SMG6: variants seen among roughly 807,000 people sequenced by gnomAD.
The protein encoded by SMG6 is SMG6 nonsense mediated mRNA decay factor.
Under a neutral mutation model 142.2 loss-of-function variants are expected in SMG6, and 66 were observed. That is an observed-to-expected ratio of 0.46 (90% CI 0.38 to 0.57). The LOEUF is 0.57. Among genes scored for constraint, SMG6 ranks in the 20% least tolerant of loss-of-function variants. The pLI, the probability that SMG6 is intolerant of heterozygous loss-of-function variation, is 0.00. For synonymous variants in SMG6, 779 were observed against 702.4 expected (o/e 1.11, Z -1.72); for missense variants, 1,793 against 1,832.0 (o/e 0.98, Z 0.39).
intron 13 of SMG6, among the ~76,000 whole-genome samples, chr17:2,152,393 T>G (rs2070853549): frequency 6.6e-6 from 1 of 152,214 alleles, no homozygotes; most frequent in South Asian, 2.1e-4. Flanking sequence ...CAGTCAAAAC[T>G]TAGTCTCTAA....
intron 6 of SMG6, among the ~76,000 whole-genome samples, chr17:2,285,887 T>G (rs1007686318): frequency 6.6e-6 from 1 of 152,066 alleles, no homozygotes; most frequent in Non-Finnish European, 1.5e-5. Context: ...TTAGCCAGGC[T>G]GGTCTGGAAC....
At chr17:2,137,999 G>A (rs566817415) in intron 13 of SMG6, among the ~76,000 whole-genome samples, 7 of 152,136 alleles carry the variant, frequency 4.6e-5, no homozygotes, top group East Asian at 1.9e-4. Context: ...GTAGTATCAC[G>A]GAGCTCACAA....
intron 13 of SMG6, among the ~76,000 whole-genome samples, chr17:2,095,388 T>TA (rs1425324528): frequency 6.6e-6 from 1 of 152,196 alleles, no homozygotes; most frequent in Non-Finnish European, 1.5e-5. Flanking sequence ...AATTTGCTCC[T>TA]AATTGTATTT....
At position 2,201,974 on chromosome 17, in the gene SMG6, A is replaced by G. The variant is rs564605375; in HGVS notation, c.2870-13459T>C. On this transcript the variant is annotated intron_variant, in intron 10 of 18. Transcript: ENST00000263073. ...AGAAGGTGGAGGTTGTAGTGAGCTG[A>G]GATCATGCCGCTGCACTCCAGCTGG... is the stretch of plus-strand genomic sequence containing the variant. 5.3e-5 allele frequency among the ~76,000 whole-genome samples: 8 copies of G among 152,228 alleles called. No homozygotes were observed. In the East Asian group the frequency reaches 1.5e-3, roughly 29 times the overall value.
chr17:2,202,810 C>G (rs1014831243), intron 10 of SMG6, among the ~76,000 whole-genome samples: 2 of 152,184 alleles, frequency 1.3e-5, no homozygotes, highest in South Asian at 2.1e-4. Flanking sequence ...AGTAAACTTT[C>G]GTCATCAAGG....
chr17:2,297,058 C>G (rs1248824010), intron 4 of SMG6, among the ~76,000 whole-genome samples, 185 bp downstream of exon 4: 2 of 150,814 alleles, frequency 1.3e-5, no homozygotes, highest in Admixed American at 6.6e-5. Context: ...CTGGGGAGCA[C>G]TGCTATATAC....
At chr17:2,292,730 G>A in intron 5 of SMG6, 100 bp from the exon 6 acceptor site, 1 of 1,492,486 alleles carries the variant, frequency 6.7e-7, no homozygotes, top group Non-Finnish European at 9.3e-7. Context: ...TAGAGTGTTA[G>A]ATGTAACCCT....
intron 13 of SMG6, among the ~76,000 whole-genome samples, chr17:2,133,071 C>A (rs2070176818): frequency 6.6e-6 from 1 of 152,032 alleles, no homozygotes; most frequent in African/African-American, 2.4e-5. Context: ...ATGGTGAAAC[C>A]CTGTCTCTAC....
In SMG6 at chr17:2,078,538, GT is replaced by G. The variant is rs201765136; in HGVS notation, c.3681+3271del. Among the ~76,000 whole-genome samples the G allele has an allele frequency of 4.2e-3, 638 of 151,778 alleles. 5 individuals are homozygous for G. Among genetic ancestry groups the G allele is most frequent in the African/African-American group, 0.013 (535 of 41,350 alleles). ...AGGCACCCGCCACAACACTCAGCTAGTTTTTGTATTTTTAGTAGAGATGAGG... is the reference window on the plus strand; with the variant it reads ...AGGCACCCGCCACAACACTCAGCTAGTTTTGTATTTTTAGTAGAGATGAGG... On this transcript the variant is annotated intron_variant, in intron 15 of 18. Transcript: ENST00000263073.
At chr17:2,293,359 G>T (rs62066964) in intron 4 of SMG6, among the ~76,000 whole-genome samples, 3,623 of 152,250 alleles carry the variant, frequency 0.024, 58 homozygotes, top group East Asian at 0.075. Flanking sequence ...TCACCTGAAT[G>T]TAAAAGTAAC....
chr17:2,177,466 G>A (rs2071684269), intron 12 of SMG6, among the ~76,000 whole-genome samples: 1 of 152,160 alleles, frequency 6.6e-6, no homozygotes, highest in Non-Finnish European at 1.5e-5. Context: ...AGTCTAAGGA[G>A]GATGAGGCAC....
At chr17:2,298,801 T>A (rs987367026) in intron 2 of SMG6, 105 bp downstream of exon 2, 26 of 995,482 alleles carry the variant, frequency 2.6e-5, no homozygotes, top group South Asian at 8.2e-5. Flanking sequence ...AAGGAAATAA[T>A]ACCCAGTGGC....
At chr17:2,281,394 G>A (rs2074782594) in intron 8 of SMG6, among the ~76,000 whole-genome samples, 1 of 152,128 alleles carries the variant, frequency 6.6e-6, no homozygotes. Flanking sequence ...CTCCCAAAGT[G>A]CTGGGATTAC....
chr17:2,242,937 T>C (rs2073846031), intron 9 of SMG6, among the ~76,000 whole-genome samples: 2 of 152,172 alleles, frequency 1.3e-5, no homozygotes. Flanking sequence ...AATCCATCCG[T>C]CTTTTTATAA....
chr17:2,303,337 G>T, intron 1 of SMG6: 1 of 1,172,638 alleles, frequency 8.5e-7, no homozygotes, highest in South Asian at 4.0e-5. Flanking sequence ...CTGGGAATCC[G>T]GGGCGGGTCT....
At chr17:2,252,474 G>A (rs1055743170) in intron 8 of SMG6, among the ~76,000 whole-genome samples, 4 of 152,172 alleles carry the variant, frequency 2.6e-5, no homozygotes, top group African/African-American at 7.2e-5. Context: ...TGTGTTTACT[G>A]GGGGAAGGAA....
At chr17:2,228,383 C>T (rs950475171) in intron 10 of SMG6, among the ~76,000 whole-genome samples, 2 of 152,162 alleles carry the variant, frequency 1.3e-5, no homozygotes, top group Non-Finnish European at 2.9e-5. Flanking sequence ...CGCCTGCCAC[C>T]GTGCAGGGCT....
At chr17:2,240,438 A>T (rs1029358792) in intron 9 of SMG6, among the ~76,000 whole-genome samples, 5 of 151,890 alleles carry the variant, frequency 3.3e-5, no homozygotes, top group Non-Finnish European at 7.4e-5. Flanking sequence ...CAGGAGCAAA[A>T]GACCAAAACC....
intron 15 of SMG6, among the ~76,000 whole-genome samples, chr17:2,076,704 G>A (rs1437654252): frequency 2.0e-5 from 3 of 152,236 alleles, no homozygotes; most frequent in Non-Finnish European, 4.4e-5. Flanking sequence ...GCGGGGTGGG[G>A]AAGGGAAGGG....
Sources: allele counts gnomAD v4.1 joint callset (sites outside exome capture counted in the v4.1 genomes callset), GRCh38; gene constraint gnomAD v4.1.1; transcripts MANE v1.5; gene names NCBI Gene and HGNC (gene_info 2026-07-23, HGNC 2026-07-21).